The following STRA8 variants were observed in gnomAD, a reference collection of about 807,000 sequenced individuals.
The protein encoded by STRA8 is stimulated by retinoic acid gene 8 protein homolog.
In STRA8, 18 loss-of-function variants were observed where a neutral mutation model predicts 37.1. That is an observed-to-expected ratio of 0.48 (90% CI 0.34 to 0.72). STRA8 has a LOEUF of 0.72. Ranked by LOEUF, STRA8 falls within the 30% of genes least tolerant of loss-of-function variation. The probability of loss-of-function intolerance (pLI) is 0.01; values close to 1 mark genes in which losing one functional copy is unlikely to be tolerated. For missense variants in STRA8, 357 were observed against 410.4 expected (o/e 0.87, Z 1.13); for synonymous variants, 168 against 162.9 (o/e 1.03, Z -0.24).
Position 135,246,423 on chromosome 7 carries a change from C to G in STRA8, c.600C>G (p.Leu200=). 1 of 1,601,946 alleles carries G rather than the reference C, an allele frequency of 6.2e-7. No homozygotes were observed. The highest frequency in any genetic ancestry group is 8.5e-7 in the Non-Finnish European group (1 of 1,173,566). The part of the protein sequence containing the change: ...SPDLMEFERY[L]NFYKQTMDLL... ...GGCGCCGCTTCTGTTCCAGGTATCT[C>G]AACTTTTACAAACAGACGATGGACC... Residue 200 remains leucine, a synonymous_variant, in exon 6 of 9, where the codon CTC becomes CTG. Coordinates refer to ENST00000662584, the MANE Select transcript of STRA8 (RefSeq NM_001394401.1). The surrounding 1 kb of genome is among the most constrained non-coding windows in gnomAD (Gnocchi z 5.4).
intron 4 of STRA8, among the ~76,000 whole-genome samples, chr7:135,244,842 A>G (rs895906867): frequency 6.6e-6 from 1 of 152,210 alleles, no homozygotes; most frequent in African/African-American, 2.4e-5. Flanking sequence ...TAGAACCTCC[A>G]GAACAATTTT....
At chr7:135,245,667 G>T (rs192614369) in intron 5 of STRA8, among the ~76,000 whole-genome samples, 140 bp downstream of exon 5, 2 of 152,270 alleles carry the variant, frequency 1.3e-5, no homozygotes, top group Non-Finnish European at 2.9e-5. Context: ...CCTGAATCAC[G>T]AAATCTCCAG....
chr7:135,258,477 CGAT>C lies in STRA8; in HGVS notation c.1128_1130del (p.Asp376del). On this transcript the variant is annotated inframe_deletion, in exon 9 of 9. Coordinates refer to ENST00000662584, the MANE Select transcript of STRA8 (RefSeq NM_001394401.1). ...TGTTGCAGTGCACAGAGACCTTTGA[CGAT>C]GAAGATTTGTAATGCAGAAGAGGAG... 1 of 1,601,978 alleles carries C rather than the reference CGAT, an allele frequency of 6.2e-7. No individual in the cohort carries two copies. The highest frequency in any genetic ancestry group is 8.5e-7 in the Non-Finnish European group (1 of 1,173,852).
At chr7:135,232,100 T>C, upstream of STRA8, 1 of 1,495,886 alleles carries the variant, frequency 6.7e-7, no homozygotes, top group African/African-American at 1.4e-5. Context: ...GCACATCTGC[T>C]TGTGTGTGTG....
rs575693881 is a variant in STRA8 at position 135,251,746 on chromosome 7, T to C, written c.880-50T>C. The C allele has an allele frequency of 5.0e-5, 79 of 1,592,328 alleles. No individual in the cohort carries two copies. In the South Asian group the frequency reaches 7.8e-4, roughly 16 times the overall value. On this transcript the variant is annotated intron_variant, in intron 6 of 8. Transcript: ENST00000662584. Reference sequence around the variant, plus strand: ...TCTCCCCAGCAGCCCAGGGCAAGCATGAAATTGTCAAGTTATTTCCAACAC... The same window carrying C: ...TCTCCCCAGCAGCCCAGGGCAAGCACGAAATTGTCAAGTTATTTCCAACAC...
intron 6 of STRA8, 105 bp from the exon 7 acceptor site, chr7:135,251,691 A>G: frequency 3.8e-6 from 4 of 1,066,546 alleles, no homozygotes; most frequent in Non-Finnish European, 5.8e-6. Flanking sequence ...CCTCTGGGGT[A>G]TGTGTAAAGA....
chr7:135,251,914 A>G (rs750877357), intron 7 of STRA8, 45 bp downstream of exon 7: 1 of 1,582,508 alleles, frequency 6.3e-7, no homozygotes, highest in South Asian at 1.1e-5. Context: ...GTGTGGGTGG[A>G]TGTGAGATTG....
At chr7:135,243,583 A>C (rs893812268) in intron 4 of STRA8, among the ~76,000 whole-genome samples, 173 bp downstream of exon 4, 10 of 152,198 alleles carry the variant, frequency 6.6e-5, no homozygotes, top group African/African-American at 2.4e-4. Context: ...TATTCTAGCA[A>C]CATGCATCAA....
intron 8 of STRA8, 126 bp downstream of exon 8, chr7:135,255,351 C>T: frequency 1.5e-6 from 1 of 655,802 alleles, no homozygotes. Context: ...GGCAGGGACA[C>T]TCTCCATTCT....
intron 1 of STRA8, among the ~76,000 whole-genome samples, chr7:135,236,156 C>T (rs1284710902): frequency 6.6e-6 from 1 of 151,812 alleles, no homozygotes; most frequent in Admixed American, 6.6e-5. Flanking sequence ...GGTGGTGGCT[C>T]ATGTTTGTAA....
intron 8 of STRA8, among the ~76,000 whole-genome samples, chr7:135,257,868 G>A (rs1193000954): frequency 1.3e-5 from 2 of 152,194 alleles, no homozygotes; most frequent in African/African-American, 4.8e-5. Flanking sequence ...CCCTCCCCCA[G>A]AGGCAACTAC....
At chr7:135,247,981 G>C (rs567309839) in intron 6 of STRA8, among the ~76,000 whole-genome samples, 1 of 152,326 alleles carries the variant, frequency 6.6e-6, no homozygotes, top group Non-Finnish European at 1.5e-5. Context: ...TAGCATCCAT[G>C]GCTTCCGCCT....
chr7:135,255,777 G>A (rs1346639579), intron 8 of STRA8, among the ~76,000 whole-genome samples: 1 of 152,222 alleles, frequency 6.6e-6, no homozygotes, highest in Non-Finnish European at 1.5e-5. Context: ...GTGCCATAAA[G>A]GTTGGGAACC....
At chr7:135,232,165 AG>A, upstream of STRA8, 1 of 927,332 alleles carries the variant, frequency 1.1e-6, no homozygotes, top group Non-Finnish European at 1.7e-6. Flanking sequence ...GGCAGGTCAG[AG>A]GTCAGTTTCC....
intron 8 of STRA8, among the ~76,000 whole-genome samples, chr7:135,257,826 G>GTC (rs35645950): frequency 0.38 from 57,981 of 151,890 alleles, 12,754 homozygotes; most frequent in African/African-American, 0.61. Flanking sequence ...TGGACACTTA[G>GTC]TCTCTCTCTC....
chr7:135,248,461 G>C (rs1832596741), intron 6 of STRA8, among the ~76,000 whole-genome samples: 1 of 152,102 alleles, frequency 6.6e-6, no homozygotes, highest in South Asian at 2.1e-4. Context: ...CCCAGCACTT[G>C]GGGAGGCCGA....
At position 135,246,873 on chromosome 7, in the gene STRA8, C is replaced by A; in HGVS notation, c.879+171C>A. ...CTTTTTTTTTTTTTTGAGACGGAGT[C>A]TCGCTCTGTCGCCCAGGCTGGAGTG... On this transcript the variant is annotated intron_variant, in intron 6 of 8. Transcript: ENST00000662584. The surrounding 1 kb of genome is among the most constrained non-coding windows in gnomAD (Gnocchi z 5.4). The A allele has an allele frequency of 1.4e-6, 1 of 712,346 alleles. No homozygotes were observed. The highest frequency in any genetic ancestry group is 2.2e-6 in the Non-Finnish European group (1 of 459,976). 44.1% of individuals were successfully genotyped at this position (712,346 alleles called of 1,614,324 possible). A position where few individuals can be genotyped will look rare whatever the true frequency, so the allele number is the denominator to read the frequency against.
Position 135,246,733 on chromosome 7 carries a change from G to A in STRA8, c.879+31G>A. The A allele has an allele frequency of 6.7e-7, 1 of 1,491,790 alleles. No homozygotes were observed. The highest frequency in any genetic ancestry group is 8.9e-7 in the Non-Finnish European group (1 of 1,129,500). 92.4% of individuals were successfully genotyped at this position (1,491,790 alleles called of 1,614,324 possible). ...CAGGCCCACCGGGGTGGCGTGGATG[G>A]GGCACGGGAACCACCCTCGCCCTCG... On this transcript the variant is annotated intron_variant, in intron 6 of 8. Coordinates refer to ENST00000662584, the MANE Select transcript of STRA8 (RefSeq NM_001394401.1). The surrounding 1 kb of genome is among the most constrained non-coding windows in gnomAD (Gnocchi z 5.4).
At position 135,245,310 on chromosome 7, in the gene STRA8, C is replaced by G. The variant is rs1585473802; in HGVS notation, c.376C>G (p.Gln126Glu). Reference sequence around the variant, plus strand: ...CAGCCTGCTTTCAAACAGTTTTCCTCAGAATGGTTCCTCCCCTTGGTGCCC... The same window carrying G: ...CAGCCTGCTTTCAAACAGTTTTCCTGAGAATGGTTCCTCCCCTTGGTGCCC... The part of the protein sequence containing the change: ...NDSLLSNSFP[Q>E]NGSSPWCPTE... Residue 126 changes from glutamine (Q) to glutamate (E), a missense_variant, in exon 5 of 9, where the codon CAG becomes GAG. Physicochemically the swap from Gln to Glu is conservative, Grantham distance 29 (BLOSUM62 2). Transcript: ENST00000662584. 1 of 780,968 alleles carries G rather than the reference C, an allele frequency of 1.3e-6. No homozygotes were observed. The highest frequency in any genetic ancestry group is 2.4e-5 in the East Asian group (1 of 41,248). The allele number at this position is 780,968 out of a possible 1,614,324, so 48.4% of individuals were successfully genotyped here. A position where few individuals can be genotyped will look rare whatever the true frequency, so the allele number is the denominator to read the frequency against.
Sources: allele counts gnomAD v4.1 joint callset (sites outside exome capture counted in the v4.1 genomes callset), GRCh38; gene constraint gnomAD v4.1.1; non-coding constraint Gnocchi (gnomAD v3.1); transcripts MANE v1.5; gene names NCBI Gene and HGNC (gene_info 2026-07-23, HGNC 2026-07-21).